Variants in ZNF43 observed in about 807,000 individuals in gnomAD.
ZNF43 encodes the protein zinc finger protein 43.
Under a neutral mutation model 68.4 loss-of-function variants are expected in ZNF43, and 44 were observed. The observed-to-expected ratio is 0.64, with a 90% CI of 0.51 to 0.83. The LOEUF (loss-of-function observed/expected upper bound fraction) is 0.83, where lower values mean the gene tolerates loss of function less well. Ranked by LOEUF, ZNF43 falls within the 40% of genes least tolerant of loss-of-function variation. The pLI, the probability that ZNF43 is intolerant of heterozygous loss-of-function variation, is 0.00. For synonymous variants in ZNF43, 308 were observed against 307.8 expected, an observed-to-expected ratio of 1.00 and a Z score of -0.01; for missense variants, 896 against 933.2, an observed-to-expected ratio of 0.96 and a Z score of 0.52.
At chr19:21,847,392 CAGG>C (rs1479562984) in intron 1 of ZNF43, among the ~76,000 whole-genome samples, 1 of 152,104 alleles carries the variant, frequency 6.6e-6, no homozygotes, top group African/African-American at 2.4e-5. Context: ...AGAGACCAGG[CAGG>C]AGAAGAAAGT....
intron 1 of ZNF43, among the ~76,000 whole-genome samples, chr19:21,821,169 G>A (rs1013872206): frequency 2.8e-5 from 4 of 142,324 alleles, no homozygotes; most frequent in African/African-American, 5.3e-5. Flanking sequence ...TTTTAAGATG[G>A]AGTCTCGCTC....
chr19:21,832,672 C>T (rs139664726), intron 1 of ZNF43, among the ~76,000 whole-genome samples: 36 of 152,170 alleles, frequency 2.4e-4, no homozygotes, highest in African/African-American at 6.7e-4. Flanking sequence ...CGAGACCAGC[C>T]GGGCCAATAT....
At chr19:21,851,947 TCTCC>T in exon 1 of ZNF43, 2 of 1,564,550 alleles carry the variant, frequency 1.3e-6, no homozygotes, top group South Asian at 2.3e-5. Context: ...TAGCTGTGCG[TCTCC>T]CAGGACTTGC....
chr19:21,828,089 TA>T (rs1267150658), intron 1 of ZNF43, among the ~76,000 whole-genome samples: 1 of 152,214 alleles, frequency 6.6e-6, no homozygotes, highest in East Asian at 1.9e-4. Context: ...CCATATTGGA[TA>T]AATTAATAAG....
chr19:21,832,657 G>C (rs1029400631), intron 1 of ZNF43, among the ~76,000 whole-genome samples: 1 of 152,152 alleles, frequency 6.6e-6, no homozygotes, highest in African/African-American at 2.4e-5. Flanking sequence ...ACAAGGTCAG[G>C]AGTTCGAGAC....
intron 1 of ZNF43, chr19:21,845,432 C>T (rs1427901162): frequency 6.6e-6 from 1 of 152,106 alleles, no homozygotes; most frequent in Non-Finnish European, 1.5e-5. Flanking sequence ...AGAGTTACGT[C>T]ATCTAGGTGC....
intron 1 of ZNF43, among the ~76,000 whole-genome samples, chr19:21,844,916 AAAAAAATATATATAT>A (rs1302800260): frequency 8.7e-6 from 1 of 115,308 alleles, no homozygotes; most frequent in Non-Finnish European, 1.7e-5. Context: ...AAAAAAAAAA[AAAAAAATATATATAT>A]ATATATATAT....
chr19:21,834,564 T>C (rs898640558), intron 1 of ZNF43, among the ~76,000 whole-genome samples: 1 of 151,336 alleles, frequency 6.6e-6, no homozygotes, highest in African/African-American at 2.4e-5. Flanking sequence ...CGAAACCAGC[T>C]TGGCCAACAA....
chr19:21,815,508 T>TATATATATATATATATATATATA (rs1568355553), intron 3 of ZNF43, among the ~76,000 whole-genome samples: 1 of 148,904 alleles, frequency 6.7e-6, no homozygotes, highest in African/African-American at 2.5e-5. Context: ...TATATATATA[T>TATATATATATATATATATATATA]TTTGCAGAAT....
At chr19:21,822,229 G>A (rs1452221441) in intron 1 of ZNF43, among the ~76,000 whole-genome samples, 1 of 152,254 alleles carries the variant, frequency 6.6e-6, no homozygotes, top group Non-Finnish European at 1.5e-5. Context: ...GGAAATATGG[G>A]CCACACTGTC....
Position 21,807,881 on chromosome 19 carries a change from G to A in ZNF43, c.2156C>T (p.Ser719Leu), listed in dbSNP as rs1392562709. The A allele has an allele frequency of 1.2e-6, 2 of 1,613,328 alleles. No individual in the cohort carries two copies. The highest frequency in any genetic ancestry group is 1.7e-5 in the Admixed American group (1 of 59,996). Residue 719 changes from serine (S) to leucine (L), a missense_variant, in exon 4 of 4, where the codon TCA becomes TTA. Coordinates refer to ENST00000354959, the MANE Select transcript of ZNF43 (RefSeq NM_003423.4). ...EKCGKAFNRS[S>L]NLIEHKKIHT... ...AATTTTCTTATGTTCAATAAGGTTT[G>A]AGGATCGGTTAAAAGCTTTGCCACA...
In ZNF43 at chr19:21,805,331, G is replaced by A; in HGVS notation, c.*2276C>T. On this transcript the variant is annotated 3_prime_UTR_variant, in exon 4 of 4. Transcript: ENST00000354959. ...ATACAAAAATTAGCCTGGTGTGATGGTGGACGCCTGTAATCCCAGCTATTC... is the reference window on the plus strand; with the variant it reads ...ATACAAAAATTAGCCTGGTGTGATGATGGACGCCTGTAATCCCAGCTATTC... 6.6e-6 allele frequency: 1 copy of A among 152,420 alleles called. No homozygotes were observed. The allele number at this position is 152,420 out of a possible 1,614,324, so 9.4% of individuals were successfully genotyped here. A position where few individuals can be genotyped will look rare whatever the true frequency, so the allele number is the denominator to read the frequency against.
Position 21,807,634 on chromosome 19 carries a change from T to A in ZNF43, c.2403A>T (p.Thr801=). 1 of 1,555,090 alleles carries A rather than the reference T, an allele frequency of 6.4e-7. No homozygotes were observed. Among genetic ancestry groups the A allele is most frequent in the Non-Finnish European group, 8.7e-7 (1 of 1,154,326 alleles). ...KPEDVTVILT[T]PQTFSNIK is the part of the protein sequence containing the mutation. ...ATTTTATGTTTGAAAAAGTTTGAGG[T>A]GTTGTCAAAATCACTGTCACATCTT... The change falls in exon 4 of 4, where the codon ACA becomes ACT. Residue 801 remains threonine (T), a synonymous_variant. Coordinates refer to ENST00000354959, the MANE Select transcript of ZNF43 (RefSeq NM_003423.4).
intron 1 of ZNF43, among the ~76,000 whole-genome samples, chr19:21,830,349 G>T (rs917543804): frequency 6.7e-6 from 1 of 149,706 alleles, no homozygotes; most frequent in Non-Finnish European, 1.5e-5. Context: ...ATCTTTGAAA[G>T]AATTAATAAG....
chr19:21,843,331 A>AG, intron 1 of ZNF43: 1 of 983,798 alleles, frequency 1.0e-6, no homozygotes, highest in Non-Finnish European at 1.2e-6. Context: ...TCACACCTGC[A>AG]GAAAGACCCA....
chr19:21,842,420 A>C (rs1967608405), intron 1 of ZNF43, among the ~76,000 whole-genome samples: 1 of 151,396 alleles, frequency 6.6e-6, no homozygotes, highest in Non-Finnish European at 1.5e-5. Context: ...AAAAAAAAAA[A>C]AACAATAAAA....
chr19:21,809,617 A>G lies in ZNF43; in HGVS notation c.420T>C (p.Ala140=). 6.2e-7 allele frequency: 1 copy of G among 1,612,088 alleles called. No homozygotes were observed. The highest frequency in any genetic ancestry group is 8.5e-7 in the Non-Finnish European group (1 of 1,179,220). The part of the protein sequence containing the change: ...GYNGFNQCLP[A]TQSKIFLFDK... ...CAAATAGAAATATTTTGCTCTGGGTAGCTGGCAAACATTGGTTAAATCCAT... is the reference window on the plus strand; with the variant it reads ...CAAATAGAAATATTTTGCTCTGGGTGGCTGGCAAACATTGGTTAAATCCAT... Residue 140 remains alanine, a synonymous_variant, in exon 4 of 4, where the codon GCT becomes GCC. Coordinates refer to ENST00000354959, the MANE Select transcript of ZNF43 (RefSeq NM_003423.4).
chr19:21,835,834 G>A lies in ZNF43; in HGVS notation c.3+202C>T, dbSNP rs548593136. 2.6e-5 allele frequency among the ~76,000 whole-genome samples: 4 copies of A among 152,308 alleles called. No homozygotes were observed. In the South Asian group the frequency reaches 6.2e-4, roughly 24 times the overall value. ...CAGAGCTGCCCACAGAGGGCTGCAGGCCGGGACACAGTCACTGCGCAGAGA... is the reference window on the plus strand; with the variant it reads ...CAGAGCTGCCCACAGAGGGCTGCAGACCGGGACACAGTCACTGCGCAGAGA... On this transcript the variant is annotated intron_variant, in intron 1 of 3. Transcript: ENST00000354959.
At chr19:21,810,505 G>A (rs2145170656) in intron 3 of ZNF43, among the ~76,000 whole-genome samples, 1 of 152,264 alleles carries the variant, frequency 6.6e-6, no homozygotes, top group Non-Finnish European at 1.5e-5. Context: ...TGCAGCATGA[G>A]GTTTGGAAAC....
Sources: allele counts gnomAD v4.1 joint callset (sites outside exome capture counted in the v4.1 genomes callset), GRCh38; gene constraint gnomAD v4.1.1; transcripts MANE v1.5; gene names NCBI Gene and HGNC (gene_info 2026-07-23, HGNC 2026-07-21).